Variants in ARHGAP21 observed in about 807,000 individuals in gnomAD.
The protein encoded by ARHGAP21 is rho GTPase-activating protein 21.
ARHGAP21 carries 38 observed loss-of-function variants against 164.6 expected under a neutral mutation model. The observed-to-expected ratio is 0.23, with a 90% CI of 0.18 to 0.30. The LOEUF is 0.30. Ranked by LOEUF, ARHGAP21 falls within the 10% of genes least tolerant of loss-of-function variation. The pLI, the probability that ARHGAP21 is intolerant of heterozygous loss-of-function variation, is 1.00. For synonymous variants in ARHGAP21, 766 were observed against 857.9 expected (o/e 0.89, Z 1.87); for missense variants, 1,822 against 2,370.7 (o/e 0.77, Z 4.81).
intron 9 of ARHGAP21, among the ~76,000 whole-genome samples, chr10:24,612,651 A>G (rs547697967): frequency 1.6e-4 from 24 of 151,960 alleles, no homozygotes; most frequent in South Asian, 1.5e-3. Context: ...TCAGGAGATC[A>G]AGACCATCCT....
At chr10:24,663,344 A>C (rs1839886369) in intron 4 of ARHGAP21, among the ~76,000 whole-genome samples, 1 of 152,220 alleles carries the variant, frequency 6.6e-6, no homozygotes, top group South Asian at 2.1e-4. Context: ...AAGGGATAAT[A>C]ATCATAAAAG....
chr10:24,683,657 T>A (rs570495043), intron 2 of ARHGAP21, among the ~76,000 whole-genome samples: 1 of 152,068 alleles, frequency 6.6e-6, no homozygotes, highest in African/African-American at 2.4e-5. Flanking sequence ...GGTTTGTTAA[T>A]ATAAATTGTA....
At chr10:24,625,821 A>G (rs1835087610) in intron 7 of ARHGAP21, among the ~76,000 whole-genome samples, 1 of 152,198 alleles carries the variant, frequency 6.6e-6, no homozygotes, top group African/African-American at 2.4e-5. Context: ...ATTATCACAT[A>G]TCCATAGAGC....
chr10:24,679,076 C>A (rs909147092), intron 2 of ARHGAP21, among the ~76,000 whole-genome samples: 1 of 152,150 alleles, frequency 6.6e-6, no homozygotes, highest in Non-Finnish European at 1.5e-5. Flanking sequence ...TGAACATTCA[C>A]GTACAGGTTT....
chr10:24,623,098 G>A (rs1479000550), intron 7 of ARHGAP21, among the ~76,000 whole-genome samples: 2 of 152,168 alleles, frequency 1.3e-5, no homozygotes, highest in East Asian at 3.9e-4. Context: ...GAAAGCAACA[G>A]TGATGTCTCT....
intron 2 of ARHGAP21, among the ~76,000 whole-genome samples, chr10:24,690,646 T>C (rs1842677671): frequency 6.6e-6 from 1 of 151,968 alleles, no homozygotes; most frequent in Admixed American, 6.6e-5. Flanking sequence ...CTGATCAACA[T>C]GGTGAAACCC....
chr10:24,665,261 G>A (rs996276930), intron 4 of ARHGAP21, among the ~76,000 whole-genome samples: 1 of 151,658 alleles, frequency 6.6e-6, no homozygotes, highest in African/African-American at 2.4e-5. Flanking sequence ...TGACAACTAT[G>A]AAGAGTCCTG....
chr10:24,708,049 A>G (rs796342289), intron 2 of ARHGAP21, among the ~76,000 whole-genome samples: 1 of 152,236 alleles, frequency 6.6e-6, no homozygotes, highest in Non-Finnish European at 1.5e-5. Context: ...TAAGTAAAAA[A>G]AAGTCTTCAA....
At position 24,694,174 on chromosome 10, in the gene ARHGAP21, C is replaced by G. The variant is rs74543706; in HGVS notation, c.64-23777G>C. Among the ~76,000 whole-genome samples the G allele has an allele frequency of 1.0e-3, 154 of 152,332 alleles. 2 individuals carry two copies. The East Asian group carries it at 0.028, about 27-fold the overall frequency. On this transcript the variant is annotated intron_variant, in intron 2 of 25. Coordinates refer to ENST00000396432, the MANE Select transcript of ARHGAP21 (RefSeq NM_020824.4). The stretch of plus-strand genomic sequence containing the variant: ...GTACCATTCAACTCACCCATACCCC[C>G]TTATGCCTAGGCCCACAATCATCAA...
At chr10:24,593,500 T>A (rs2076430198) in intron 21 of ARHGAP21, among the ~76,000 whole-genome samples, 1 of 152,092 alleles carries the variant, frequency 6.6e-6, no homozygotes, top group Non-Finnish European at 1.5e-5. Flanking sequence ...CCGTAATATT[T>A]TATCTGGGTA....
intron 2 of ARHGAP21, among the ~76,000 whole-genome samples, chr10:24,695,614 C>T (rs984256258): frequency 2.0e-5 from 3 of 151,832 alleles, no homozygotes; most frequent in Non-Finnish European, 4.4e-5. Context: ...TGGGATATCA[C>T]TTCCAAGATT....
At chr10:24,703,161 A>G (rs1843874946) in intron 2 of ARHGAP21, among the ~76,000 whole-genome samples, 1 of 152,224 alleles carries the variant, frequency 6.6e-6, no homozygotes, top group East Asian at 1.9e-4. Flanking sequence ...GGCAGTATCA[A>G]TATATTAACA....
intron 14 of ARHGAP21, among the ~76,000 whole-genome samples, 173 bp downstream of exon 14, chr10:24,600,473 G>A (rs2076769452): frequency 6.6e-6 from 1 of 152,146 alleles, no homozygotes; most frequent in Admixed American, 6.5e-5. Flanking sequence ...ATTTTCCAAT[G>A]TGTGAAAATA....
At chr10:24,589,138 AT>A (rs1416147237) in intron 25 of ARHGAP21, 132 bp downstream of exon 25, 8 of 805,774 alleles carry the variant, frequency 9.9e-6, no homozygotes, top group Non-Finnish European at 1.7e-5. Flanking sequence ...TGTTTTAGGA[AT>A]TAATTTTTTG....
intron 9 of ARHGAP21, among the ~76,000 whole-genome samples, chr10:24,611,407 G>A (rs1247550888): frequency 1.3e-5 from 2 of 151,986 alleles, no homozygotes; most frequent in African/African-American, 2.4e-5. Context: ...AAAGCAAAAC[G>A]AAAAAAGACT....
intron 4 of ARHGAP21, among the ~76,000 whole-genome samples, chr10:24,664,723 C>CCTTTT (rs1554995173): frequency 1.3e-5 from 2 of 151,378 alleles, no homozygotes; most frequent in Non-Finnish European, 2.9e-5. Context: ...GCCATAAACC[C>CCTTTT]TTGAGTGAAA....
intron 7 of ARHGAP21, among the ~76,000 whole-genome samples, chr10:24,626,460 C>CTCT (rs1290362668): frequency 6.6e-6 from 1 of 152,184 alleles, no homozygotes; most frequent in Non-Finnish European, 1.5e-5. Flanking sequence ...GCTGCGTCAG[C>CTCT]TCTTCCACCA....
chr10:24,716,084 T>C (rs1269528138), intron 2 of ARHGAP21, among the ~76,000 whole-genome samples: 1 of 152,252 alleles, frequency 6.6e-6, no homozygotes, highest in African/African-American at 2.4e-5. Context: ...GGAGTTTTGC[T>C]AAGTCTTTAT....
intron 3 of ARHGAP21, 31 bp from the exon 4 acceptor site, chr10:24,667,040 G>T: frequency 1.7e-6 from 2 of 1,161,384 alleles, no homozygotes; most frequent in South Asian, 1.4e-5. Flanking sequence ...ATACATATAT[G>T]AGTACATATT....
Sources: allele counts gnomAD v4.1 joint callset (sites outside exome capture counted in the v4.1 genomes callset), GRCh38; gene constraint gnomAD v4.1.1; transcripts MANE v1.5; gene names NCBI Gene and HGNC (gene_info 2026-07-23, HGNC 2026-07-21).